FFAR4: variants seen among roughly 807,000 people sequenced by gnomAD.
FFAR4 encodes the protein G-protein coupled receptor 120.
A neutral mutation model predicts 27.0 loss-of-function variants in FFAR4; 19 were observed. The observed-to-expected ratio is 0.70, with a 90% confidence interval of 0.49 to 1.03. The LOEUF is 1.03. FFAR4 is among the 50% of genes least tolerant of loss of function. The pLI, the probability that FFAR4 is intolerant of heterozygous loss-of-function variation, is 0.00. For missense variants in FFAR4, 476 were observed against 479.0 expected (o/e 0.99, Z 0.06); for synonymous variants, 254 against 215.6 (o/e 1.18, Z -1.56).
chr10:93,577,250 T>C (rs1326260525), intron 2 of FFAR4, among the ~76,000 whole-genome samples: 1 of 152,206 alleles, frequency 6.6e-6, no homozygotes, highest in Non-Finnish European at 1.5e-5. Context: ...AGGTTTATAG[T>C]TGTTGAATCT....
At chr10:93,578,001 A>C (rs939204478) in intron 2 of FFAR4, among the ~76,000 whole-genome samples, 2 of 152,206 alleles carry the variant, frequency 1.3e-5, no homozygotes, top group African/African-American at 4.8e-5. Flanking sequence ...GAGGAGACAG[A>C]CAAGGGTGCT....
chr10:93,567,059 G>T lies in FFAR4; in HGVS notation c.339G>T (p.Leu113=). ...AWLLGPVACH[L]LFYVMTLSGS... ...TGCTGGGCCCCGTTGCCTGCCACCT[G>T]CTCTTCTACGTGATGACCCTGAGCG... Residue 113 remains leucine, a synonymous_variant, in exon 1 of 3, where the codon CTG becomes CTT. Coordinates refer to ENST00000371481, the MANE Select transcript of FFAR4 (RefSeq NM_001195755.2). 1 of 1,611,318 alleles carries T rather than the reference G, an allele frequency of 6.2e-7. No homozygotes were observed.
chr10:93,581,306 C>T (rs778508136), intron 2 of FFAR4, among the ~76,000 whole-genome samples: 16 of 152,252 alleles, frequency 1.1e-4, no homozygotes, highest in Admixed American at 5.2e-4. Context: ...CCTTTCTCCA[C>T]GCCTGACCTG....
chr10:93,569,471 G>T (rs1216317200), intron 1 of FFAR4, among the ~76,000 whole-genome samples: 3 of 152,204 alleles, frequency 2.0e-5, no homozygotes, highest in Admixed American at 1.3e-4. Context: ...CCGCACCACT[G>T]TTAGGGAATC....
In FFAR4 at chr10:93,566,753, C is replaced by A; in HGVS notation, c.33C>A (p.Asp11Glu). MSPECARAAG[D>E]APLRSLEQAN... ...CTGAATGCGCGCGGGCAGCGGGCGA[C>A]GCGCCCTTGCGCAGCCTGGAGCAAG... The change falls in exon 1 of 3, where the codon GAC becomes GAA. Residue 11 changes from aspartate to glutamate, a missense_variant. Physicochemically the swap from Asp to Glu is conservative, Grantham distance 45. Transcript: ENST00000371481. 6.2e-7 allele frequency: 1 copy of A among 1,603,236 alleles called. No individual in the cohort carries two copies. Among genetic ancestry groups the A allele is most frequent in the East Asian group, 2.2e-5 (1 of 44,628 alleles).
chr10:93,578,431 A>AC (rs1564783894), intron 2 of FFAR4, among the ~76,000 whole-genome samples: 3 of 151,716 alleles, frequency 2.0e-5, no homozygotes, highest in Non-Finnish European at 4.4e-5. Context: ...AAAAAAAAAA[A>AC]AAAAAAAAAA....
rs1464624441 is a variant in FFAR4, at chr10:93,574,076, T to TCA, written c.568-2015_568-2014insCA. Among the ~76,000 whole-genome samples the TCA allele has an allele frequency of 2.6e-5, 4 of 152,272 alleles. No individual in the cohort carries two copies. In the East Asian group the frequency reaches 7.7e-4, roughly 29 times the overall value. On this transcript the variant is annotated intron_variant, in intron 1 of 2. Transcript: ENST00000371481. ...TTTTCTGTGCATGCGAGCACGTGAG[T>TCA]GTATGTGAGAGAGAAAGTGTGTGTG...
intron 2 of FFAR4, 137 bp downstream of exon 2, chr10:93,576,356 C>A: frequency 1.2e-6 from 1 of 812,860 alleles, no homozygotes; most frequent in Non-Finnish European, 2.0e-6. Context: ...AGGTCTACAA[C>A]ACTGAGGAAG....
Position 93,575,940 on chromosome 10 carries a change from G to A in FFAR4, c.568-151G>A, listed in dbSNP as rs192564639. 863 of 669,324 alleles carry A rather than the reference G, an allele frequency of 1.3e-3. 2 individuals carry two copies. The highest frequency in any genetic ancestry group is 1.9e-3 in the Non-Finnish European group (714 of 383,426). The allele number at this position is 669,324 out of a possible 1,614,324, so 41.5% of individuals were successfully genotyped here. On this transcript the variant is annotated intron_variant, in intron 1 of 2. Transcript: ENST00000371481. ...TGCTTTGCAAGTGGGATTGTGGTGG[G>A]CAGTGGGAGGGATTCTGGGGTTCAC...
chr10:93,585,989 G>A (rs1006280952), intron 2 of FFAR4, among the ~76,000 whole-genome samples: 3 of 152,202 alleles, frequency 2.0e-5, no homozygotes, highest in African/African-American at 7.2e-5. Context: ...AAAAGGAAAG[G>A]AACCTAGGGT....
At chr10:93,573,976 A>G (rs1052991667) in intron 1 of FFAR4, among the ~76,000 whole-genome samples, 24 of 152,226 alleles carry the variant, frequency 1.6e-4, no homozygotes, top group Non-Finnish European at 8.8e-5. Flanking sequence ...CAGATAAGCC[A>G]CAAGAATAAA....
rs1376536273 is a variant in FFAR4, at chr10:93,576,144, G to A, written c.621G>A (p.Trp207Ter). The A allele has an allele frequency of 1.2e-6, 2 of 1,613,568 alleles. No homozygotes were observed. The highest frequency in any genetic ancestry group is 3.3e-5 in the Admixed American group (2 of 60,000). The change falls in exon 2 of 3, where the codon TGG becomes TGA. Residue 207 changes from tryptophan to a stop codon, truncating the protein, a stop_gained. Coordinates refer to ENST00000371481, the MANE Select transcript of FFAR4 (RefSeq NM_001195755.2). LOFTEE classifies it high-confidence loss of function. The part of the protein sequence containing the change: ...IWPTIPGEIS[W>*]DVSFVTLNFL... ...CCACCATTCCTGGAGAGATCTCGTGGGATGTCTCTTTTGTTACTTTGAACT... is the reference window on the plus strand; with the variant it reads ...CCACCATTCCTGGAGAGATCTCGTGAGATGTCTCTTTTGTTACTTTGAACT...
At chr10:93,572,426 GC>G (rs1404196634) in intron 1 of FFAR4, among the ~76,000 whole-genome samples, 1 of 151,702 alleles carries the variant, frequency 6.6e-6, no homozygotes, top group Non-Finnish European at 1.5e-5. Context: ...CATGTGTAGA[GC>G]CTGAGGTTCA....
chr10:93,579,559 A>G (rs45449703), intron 2 of FFAR4, among the ~76,000 whole-genome samples: 7,381 of 152,250 alleles, frequency 0.048, 290 homozygotes, highest in African/African-American at 0.096. Flanking sequence ...AACACTTACT[A>G]CACCTGTCAT....
chr10:93,582,739 A>G (rs865938284), intron 2 of FFAR4, among the ~76,000 whole-genome samples: 2 of 152,080 alleles, frequency 1.3e-5, no homozygotes, highest in Admixed American at 6.5e-5. Context: ...GTCTGTTCTC[A>G]CACTGCTTTA....
intron 1 of FFAR4, among the ~76,000 whole-genome samples, chr10:93,573,276 T>C (rs536553657): frequency 6.6e-6 from 1 of 152,358 alleles, no homozygotes; most frequent in South Asian, 2.1e-4. Context: ...AAGACTATTG[T>C]TGACTCTGCC....
At chr10:93,567,740 G>A (rs189733887) in intron 1 of FFAR4, among the ~76,000 whole-genome samples, 1 of 152,232 alleles carries the variant, frequency 6.6e-6, no homozygotes, top group East Asian at 1.9e-4. Context: ...GAGGAGATGG[G>A]CTCCTTCCAG....
intron 1 of FFAR4, among the ~76,000 whole-genome samples, chr10:93,572,505 AG>A (rs1387349592): frequency 6.6e-6 from 1 of 152,182 alleles, no homozygotes; most frequent in Non-Finnish European, 1.5e-5. Context: ...TCATCCTGGT[AG>A]GAAGTTTAGA....
Position 93,587,374 on chromosome 10 carries a change from T to C in FFAR4, c.851T>C (p.Ile284Thr). ...FIMWSPIIIT[I>T]LLILIQNFKQ... ...ATGTGGAGCCCCATCATCATCACCA[T>C]CCTCCTCATCCTGATCCAGAACTTC... is the stretch of plus-strand genomic sequence containing the variant. The change falls in exon 3 of 3, where the codon ATC (isoleucine) becomes ACC (threonine). Residue 284 changes from isoleucine to threonine, a missense_variant. By Grantham distance (89) the Ile-to-Thr change is moderately conservative. Coordinates refer to ENST00000371481, the MANE Select transcript of FFAR4 (RefSeq NM_001195755.2). 6.2e-7 allele frequency: 1 copy of C among 1,613,896 alleles called. No homozygotes were observed. The highest frequency in any genetic ancestry group is 1.3e-5 in the African/African-American group (1 of 74,944).
Sources: gnomAD v4.1 joint callset for allele counts (sites outside exome capture counted in the v4.1 genomes callset) on GRCh38, gnomAD v4.1.1 for gene constraint, MANE v1.5 for transcripts, NCBI Gene and HGNC (gene_info 2026-07-23, HGNC 2026-07-21) for gene names.